The following XDH variants were observed in gnomAD, a reference collection of about 807,000 sequenced individuals.
XDH encodes xanthine dehydrogenase/oxidase.
XDH carries 138 observed loss-of-function variants against 156.1 expected under a neutral mutation model. The observed-to-expected ratio is 0.88, with a 90% CI of 0.77 to 1.02. The LOEUF is 1.02. Ranked by LOEUF, XDH falls within the 50% of genes least tolerant of loss-of-function variation. The probability of loss-of-function intolerance (pLI) is 0.00; values close to 1 mark genes in which losing one functional copy is unlikely to be tolerated. For synonymous variants in XDH, 669 were observed against 625.7 expected (o/e 1.07, Z -1.03); for missense variants, 1,849 against 1,684.9 (o/e 1.10, Z -1.71).
Position 31,368,604 on chromosome 2 carries a change from T to G in XDH, c.2037A>C (p.Thr679=), listed in dbSNP as rs139998082. ...TTTTCACCCCTTGGGCAGCTCTCTG[T>G]GTGTGTTCCGGGGTGTCAGCAACCA... The part of the protein sequence containing the change: ...GAVVADTPEH[T]QRAAQGVKIT... The change falls in exon 19 of 36, where the codon ACA becomes ACC. Residue 679 remains threonine, a synonymous_variant. Coordinates refer to ENST00000379416, the MANE Select transcript of XDH (RefSeq NM_000379.4). 2.2e-4 allele frequency: 358 copies of G among 1,614,214 alleles called. 1 individual carries two copies. The African/African-American group carries it at 4.5e-3, about 20-fold the overall frequency.
At chr2:31,403,265 AC>A in intron 2 of XDH, 121 bp from the exon 3 acceptor site, 1 of 1,073,976 alleles carries the variant, frequency 9.3e-7, no homozygotes, top group Middle Eastern at 2.7e-4. Flanking sequence ...AGGCCCCTCA[AC>A]CAAGGAAGGC....
At chr2:31,409,967 C>T (rs1418110780) in intron 1 of XDH, among the ~76,000 whole-genome samples, 3 of 152,100 alleles carry the variant, frequency 2.0e-5, no homozygotes, top group Admixed American at 6.6e-5. Flanking sequence ...TTCACAGTAG[C>T]CAAACTGTGA....
At chr2:31,389,720 T>G (rs1373718942) in intron 6 of XDH, 1 of 152,168 alleles carries the variant, frequency 6.6e-6, no homozygotes, top group African/African-American at 2.4e-5. Flanking sequence ...ATTACTGTGA[T>G]GTACAGTAAT....
chr2:31,342,962 T>C (rs559136357), intron 31 of XDH, among the ~76,000 whole-genome samples: 1 of 152,302 alleles, frequency 6.6e-6, no homozygotes, highest in Admixed American at 6.5e-5. Context: ...TATGCATTTG[T>C]GCATGTGTAT....
intron 4 of XDH, among the ~76,000 whole-genome samples, chr2:31,398,914 TG>T (rs956833359): frequency 2.0e-5 from 3 of 152,214 alleles, no homozygotes; most frequent in African/African-American, 7.2e-5. Flanking sequence ...GGACCATCCT[TG>T]TAGTTACCTC....
At chr2:31,388,416 C>G in intron 6 of XDH, 121 bp from the exon 7 acceptor site, 1 of 1,082,086 alleles carries the variant, frequency 9.2e-7, no homozygotes, top group African/African-American at 1.5e-5. Context: ...GCATCAACAG[C>G]AGGGGCATCC....
At position 31,381,782 on chromosome 2, in the gene XDH, G is replaced by A. The variant is rs937937267; in HGVS notation, c.1039-56C>T. 6.3e-5 allele frequency: 94 copies of A among 1,498,878 alleles called. No homozygotes were observed. In the Middle Eastern group the frequency reaches 7.2e-4, roughly 11 times the overall value. 92.8% of individuals were successfully genotyped at this position (1,498,878 alleles called of 1,614,324 possible). ...CCCACCCCAGGAAACCCCTGCTCAC[G>A]TAGCAGGCTCCTGAACATACCAGCC... On this transcript the variant is annotated intron_variant, in intron 11 of 35. Coordinates refer to ENST00000379416, the MANE Select transcript of XDH (RefSeq NM_000379.4).
At chr2:31,375,341 A>G (rs766293023) in intron 15 of XDH, 39 bp downstream of exon 15, 1 of 1,613,592 alleles carries the variant, frequency 6.2e-7, no homozygotes, top group Non-Finnish European at 8.5e-7. Context: ...ATCCCCAAAC[A>G]TGCTACAGAG....
intron 2 of XDH, 86 bp downstream of exon 2, chr2:31,405,821 C>T: frequency 6.6e-7 from 1 of 1,517,432 alleles, no homozygotes; most frequent in Middle Eastern, 1.7e-4. Flanking sequence ...GGCCACCCCA[C>T]CAGTCACTAG....
rs137975977 is a variant in XDH, at chr2:31,349,797, A to C, written c.2858T>G (p.Leu953Arg). 3 of 1,614,046 alleles carry C rather than the reference A, an allele frequency of 1.9e-6. No homozygotes were observed. The African/African-American group carries it at 4.0e-5, about 22-fold the overall frequency. Residue 953 changes from leucine to arginine, a missense_variant, in exon 26 of 36, where the codon CTG becomes CGG. Coordinates refer to ENST00000379416, the MANE Select transcript of XDH (RefSeq NM_000379.4). ...RRKNLYKEGD[L>R]THFNQKLEGF... ...CTCAAGCTTCTGGTTGAAGTGTGTC[A>C]GGTCCCCTTCTTTGTACAGGTTTTT...
At chr2:31,384,148 G>GTGTGTGTT (rs1470658704) in intron 9 of XDH, 3 of 389,996 alleles carry the variant, frequency 7.7e-6, no homozygotes, top group Middle Eastern at 8.4e-4. Flanking sequence ...GTGTGTGTGT[G>GTGTGTGTT]TGTGTGTTTG....
intron 12 of XDH, among the ~76,000 whole-genome samples, chr2:31,381,367 G>A (rs1686432702): frequency 6.6e-6 from 1 of 152,194 alleles, no homozygotes; most frequent in Non-Finnish European, 1.5e-5. Flanking sequence ...CCAACAGCAG[G>A]CTGTGGTGAG....
At chr2:31,378,044 GAGAAAGAAAGGAAGAA>G (rs1686296314) in intron 13 of XDH, among the ~76,000 whole-genome samples, 1 of 113,236 alleles carries the variant, frequency 8.8e-6, no homozygotes, top group Admixed American at 9.7e-5. Flanking sequence ...AGAGAAGAAA[GAGAAAGAAAGGAAGAA>G]AGAAAGAAAG....
chr2:31,366,632 T>A (rs963661874), intron 21 of XDH, among the ~76,000 whole-genome samples: 1 of 152,152 alleles, frequency 6.6e-6, no homozygotes, highest in African/African-American at 2.4e-5. Flanking sequence ...CTAATAATTA[T>A]GACAACCCAC....
intron 1 of XDH, among the ~76,000 whole-genome samples, chr2:31,412,799 T>C (rs907764953): frequency 4.6e-5 from 7 of 152,338 alleles, no homozygotes; most frequent in African/African-American, 1.7e-4. Flanking sequence ...TTTTACAGCA[T>C]TGCTTTCACA....
At chr2:31,408,199 C>T (rs960023073) in intron 1 of XDH, among the ~76,000 whole-genome samples, 2 of 152,204 alleles carry the variant, frequency 1.3e-5, no homozygotes, top group Non-Finnish European at 2.9e-5. Flanking sequence ...ACTAAAAATA[C>T]ATTTTATATC....
intron 4 of XDH, 130 bp downstream of exon 4, chr2:31,401,090 G>C: frequency 9.5e-7 from 1 of 1,049,180 alleles, no homozygotes; most frequent in South Asian, 1.4e-5. Context: ...TGGCCAGGGT[G>C]AAATGCCTTC....
chr2:31,402,997 G>T, intron 3 of XDH, 51 bp downstream of exon 3: 4 of 1,602,332 alleles, frequency 2.5e-6, no homozygotes, highest in Non-Finnish European at 3.4e-6. Flanking sequence ...TCACAAGCTG[G>T]TCCTGCATCG....
intron 27 of XDH, among the ~76,000 whole-genome samples, 187 bp downstream of exon 27, chr2:31,348,712 A>T (rs1174227154): frequency 6.6e-6 from 1 of 152,246 alleles, no homozygotes; most frequent in Non-Finnish European, 1.5e-5. Flanking sequence ...CAGATCTCTG[A>T]GTCTCACTGC....
Sources: gnomAD v4.1 joint callset for allele counts (sites outside exome capture counted in the v4.1 genomes callset) on GRCh38, gnomAD v4.1.1 for gene constraint, MANE v1.5 for transcripts, NCBI Gene and HGNC (gene_info 2026-07-23, HGNC 2026-07-21) for gene names.